Variants in TRIM49 observed in about 807,000 individuals in gnomAD.
TRIM49 encodes tripartite motif-containing protein 49.
TRIM49 carries 5 observed loss-of-function variants against 27.4 expected under a neutral mutation model. That is an observed-to-expected ratio of 0.18 (90% CI 0.10 to 0.38). The LOEUF is 0.38. Ranked by LOEUF, TRIM49 falls within the 10% of genes least tolerant of loss-of-function variation. The probability of loss-of-function intolerance (pLI) is 1.00; values close to 1 mark genes in which losing one functional copy is unlikely to be tolerated. For missense variants in TRIM49, 188 were observed against 487.5 expected (o/e 0.39, Z 5.79); for synonymous variants, 69 against 166.0 (o/e 0.42, Z 4.49).
rs1949712239 is a variant in TRIM49 at position 89,798,639 on chromosome 11, AAAAAAAAAAG to A, written c.860-20_860-11del. 6.6e-7 allele frequency: 1 copy of A among 1,519,778 alleles called. No individual in the cohort carries two copies. Among genetic ancestry groups the A allele is most frequent in the African/African-American group, 1.7e-5 (1 of 58,206 alleles). 94.1% of individuals were successfully genotyped at this position (1,519,778 alleles called of 1,614,324 possible). On this transcript the variant is annotated splice_polypyrimidine_tract_variant and intron_variant, in intron 7 of 7. Transcript: ENST00000329758. ...TGCAGAGTAATATGCACTGCAAAAA[AAAAAAAAAAG>A]AAAACATGCATAGACATGTGTAAAT...
intron 2 of TRIM49, 34 bp downstream of exon 2, chr11:89,807,065 A>G (rs1164569683): frequency 6.6e-6 from 1 of 152,098 alleles, no homozygotes; most frequent in Non-Finnish European, 1.5e-5. Flanking sequence ...TGTAAAGGAA[A>G]GATGATATAA....
the TRIM49 span, chr11:89,766,712 A>C: frequency 2.0e-6 from 3 of 1,473,538 alleles, no homozygotes; most frequent in Admixed American, 4.1e-5. Context: ...TTTCAAAATC[A>C]AGAAACACAC....
downstream of TRIM49, among the ~76,000 whole-genome samples, chr11:89,794,226 T>G (rs1277180214): frequency 3.7e-4 from 45 of 121,176 alleles, no homozygotes; most frequent in Non-Finnish European, 8.7e-5. Context: ...CACTGCTCAA[T>G]GAAATAAAAG....
the TRIM49 span, among the ~76,000 whole-genome samples, chr11:89,789,916 A>C: frequency 2.0e-5 from 3 of 151,270 alleles, no homozygotes; most frequent in East Asian, 5.8e-4. Flanking sequence ...GGTGCAGGAC[A>C]GTGGGTGCAG....
the TRIM49 span, among the ~76,000 whole-genome samples, chr11:89,783,649 A>G: frequency 1.4e-5 from 2 of 142,606 alleles, no homozygotes; most frequent in Non-Finnish European, 3.0e-5. Flanking sequence ...TGCTAAGCAT[A>G]AAGTGGTATA....
intron 2 of TRIM49, among the ~76,000 whole-genome samples, chr11:89,805,351 G>T (rs1233369985): frequency 6.7e-6 from 1 of 150,126 alleles, no homozygotes; most frequent in Non-Finnish European, 1.5e-5. Flanking sequence ...CATTGTTTGT[G>T]GGTGAGTCTG....
the TRIM49 span, among the ~76,000 whole-genome samples, chr11:89,791,320 C>T: frequency 5.3e-5 from 8 of 152,170 alleles, no homozygotes; most frequent in Non-Finnish European, 1.2e-4. Context: ...AAACACTCTG[C>T]AGGATATTAT....
At chr11:89,792,992 T>C (rs200336535), downstream of TRIM49, among the ~76,000 whole-genome samples, 2,835 of 151,356 alleles carry the variant, frequency 0.019, 25 homozygotes, top group East Asian at 0.055. Flanking sequence ...ATTGATAGAC[T>C]GCTAGCAAGA....
At chr11:89,795,762 G>A (rs1360609537), downstream of TRIM49, among the ~76,000 whole-genome samples, 599 of 147,732 alleles carry the variant, frequency 4.1e-3, no homozygotes, top group African/African-American at 0.014. Context: ...GGGAGGGATA[G>A]CATTGGGAGA....
At chr11:89,789,754 A>C in the TRIM49 span, 2 of 152,038 alleles carry the variant, frequency 1.3e-5, no homozygotes, top group Non-Finnish European at 2.9e-5. Context: ...GGGAAGTTAA[A>C]AATCATTTAA....
At chr11:89,800,445 A>G (rs1482256903) in intron 6 of TRIM49, among the ~76,000 whole-genome samples, 1 of 151,710 alleles carries the variant, frequency 6.6e-6, no homozygotes, top group African/African-American at 2.4e-5. Flanking sequence ...GCTTTCAAGC[A>G]ATAAAACAAA....
the TRIM49 span, among the ~76,000 whole-genome samples, chr11:89,776,795 CTT>C: frequency 6.6e-6 from 1 of 150,912 alleles, no homozygotes; most frequent in African/African-American, 2.4e-5. Flanking sequence ...TGAGCGAAAA[CTT>C]TATAAATCCA....
At chr11:89,772,242 G>A in the TRIM49 span, among the ~76,000 whole-genome samples, 1 of 135,810 alleles carries the variant, frequency 7.4e-6, no homozygotes, top group African/African-American at 3.3e-5. Flanking sequence ...TAAAAATACT[G>A]TATACACATA....
chr11:89,768,428 G>A, the TRIM49 span: 3 of 597,202 alleles, frequency 5.0e-6, no homozygotes, highest in Non-Finnish European at 8.6e-6. Context: ...GGCCCTTAGG[G>A]AATCTTTCTA....
the TRIM49 span, chr11:89,768,395 C>T: frequency 2.7e-6 from 2 of 747,640 alleles, no homozygotes; most frequent in East Asian, 7.4e-5. Flanking sequence ...TAATGTACCT[C>T]CACAATCCTA....
chr11:89,797,063 T>C (rs544897051), downstream of TRIM49, among the ~76,000 whole-genome samples: 242 of 152,218 alleles, frequency 1.6e-3, no homozygotes, highest in African/African-American at 5.4e-3. Context: ...TCTTTAAATT[T>C]TGGTATTTTT....
chr11:89,800,853 C>T (rs1327610441), intron 6 of TRIM49, 113 bp downstream of exon 6: 6 of 618,898 alleles, frequency 9.7e-6, no homozygotes, highest in African/African-American at 2.0e-5. Context: ...AAAGTAGATG[C>T]AAAAAAAAGT....
chr11:89,770,527 T>C, the TRIM49 span, among the ~76,000 whole-genome samples: 1 of 142,404 alleles, frequency 7.0e-6, no homozygotes, highest in Non-Finnish European at 1.5e-5. Flanking sequence ...TCTGCCCAAA[T>C]ATATTCTATA....
downstream of TRIM49, among the ~76,000 whole-genome samples, chr11:89,793,584 C>G (rs1474793356): frequency 6.6e-6 from 1 of 150,892 alleles, no homozygotes; most frequent in Non-Finnish European, 1.5e-5. Flanking sequence ...TCAACATACG[C>G]AAATCAATAA....
Sources: allele counts gnomAD v4.1 joint callset (sites outside exome capture counted in the v4.1 genomes callset), GRCh38; gene constraint gnomAD v4.1.1; transcripts MANE v1.5; gene names NCBI Gene and HGNC (gene_info 2026-07-23, HGNC 2026-07-21).